ATP13A4: variants seen among roughly 807,000 people sequenced by gnomAD.
The protein encoded by ATP13A4 is ATPase 13A4.
A neutral mutation model predicts 142.5 loss-of-function variants in ATP13A4; 114 were observed. That is an observed-to-expected ratio of 0.80 (90% CI 0.69 to 0.93). ATP13A4 has a LOEUF of 0.93. Ranked by LOEUF, ATP13A4 falls within the 40% of genes least tolerant of loss-of-function variation. The probability of loss-of-function intolerance (pLI) is 0.00; values close to 1 mark genes in which losing one functional copy is unlikely to be tolerated. For missense variants in ATP13A4, 1,392 were observed against 1,454.0 expected (o/e 0.96, Z 0.69); for synonymous variants, 488 against 514.8 (o/e 0.95, Z 0.70).
chr3:193,505,087 G>A (rs1419387484), intron 2 of ATP13A4, among the ~76,000 whole-genome samples: 1 of 152,142 alleles, frequency 6.6e-6, no homozygotes, highest in Non-Finnish European at 1.5e-5. Flanking sequence ...ATAAAACTGA[G>A]ACCTGAGTCC....
At chr3:193,414,458 G>A in intron 26 of ATP13A4, 121 bp downstream of exon 26, 1 of 1,109,016 alleles carries the variant, frequency 9.0e-7, no homozygotes, top group Non-Finnish European at 1.3e-6. Flanking sequence ...TTTGCCCAAG[G>A]GACTTTAAAA....
At chr3:193,538,089 T>C (rs1365503654) in intron 1 of ATP13A4, among the ~76,000 whole-genome samples, 1 of 152,164 alleles carries the variant, frequency 6.6e-6, no homozygotes, top group Admixed American at 6.5e-5. Context: ...TTGTAAGACA[T>C]TGCCAATGGG....
intron 21 of ATP13A4, among the ~76,000 whole-genome samples, chr3:193,439,783 T>A (rs1057444595): frequency 6.6e-6 from 1 of 152,226 alleles, no homozygotes; most frequent in Non-Finnish European, 1.5e-5. Flanking sequence ...TCTTCCACAC[T>A]GCCATATGGA....
chr3:193,499,503 G>C (rs1720420741), intron 3 of ATP13A4, among the ~76,000 whole-genome samples: 1 of 152,176 alleles, frequency 6.6e-6, no homozygotes, highest in African/African-American at 2.4e-5. Flanking sequence ...TGGTAGGGCA[G>C]ATATTATTTT....
Position 193,491,354 on chromosome 3 carries a change from G to T in ATP13A4, c.578C>A (p.Pro193Gln). Reference sequence around the variant, plus strand: ...CTCCTTGATGAGCAGTTTCCAAATTGGTGTAACTTCAACATCGATAGTATT... The same window carrying T: ...CTCCTTGATGAGCAGTTTCCAAATTTGTGTAACTTCAACATCGATAGTATT... ...GPNTIDVEVT[P>Q]IWKLLIKEVL... Residue 193 changes from proline (P) to glutamine (Q), a missense_variant, in exon 6 of 30, where the codon CCA becomes CAA. Transcript: ENST00000342695. The T allele has an allele frequency of 6.2e-7, 1 of 1,602,350 alleles. No individual in the cohort carries two copies. Among genetic ancestry groups the T allele is most frequent in the Non-Finnish European group, 8.5e-7 (1 of 1,169,748 alleles).
At chr3:193,421,645 C>T (rs35417396) in intron 25 of ATP13A4, among the ~76,000 whole-genome samples, 27,481 of 148,902 alleles carry the variant, frequency 0.18, 3,479 homozygotes, top group South Asian at 0.26. Flanking sequence ...ATGTAAATTG[C>T]GACACTAAAA....
At chr3:193,436,912 G>A (rs62285715) in intron 23 of ATP13A4, among the ~76,000 whole-genome samples, 21,298 of 141,522 alleles carry the variant, frequency 0.15, 1,938 homozygotes, top group South Asian at 0.21. Flanking sequence ...AGACCATCCC[G>A]GCTAAAACGG....
intron 21 of ATP13A4, 21 bp from the exon 22 acceptor site, chr3:193,439,086 T>C: frequency 1.3e-6 from 2 of 1,585,836 alleles, no homozygotes; most frequent in Non-Finnish European, 1.7e-6. Context: ...ACCACATTAA[T>C]TGTAGATGAG....
intron 1 of ATP13A4, among the ~76,000 whole-genome samples, chr3:193,538,895 T>TC (rs1186289323): frequency 1.4e-5 from 2 of 139,424 alleles, no homozygotes; most frequent in African/African-American, 2.6e-5. Flanking sequence ...GTTTTTTCTT[T>TC]TTTTTTTTTT....
intron 18 of ATP13A4, 113 bp downstream of exon 18, chr3:193,448,093 C>G (rs1717058561): frequency 6.9e-7 from 1 of 1,441,318 alleles, no homozygotes; most frequent in East Asian, 2.3e-5. Flanking sequence ...TCTCCAGCAC[C>G]TGGAATGATG....
chr3:193,534,786 G>A (rs1362800723), intron 1 of ATP13A4, among the ~76,000 whole-genome samples: 1 of 152,070 alleles, frequency 6.6e-6, no homozygotes, highest in African/African-American at 2.4e-5. Context: ...GGAGAGGGGA[G>A]AGGGGAAATG....
intron 23 of ATP13A4, 94 bp downstream of exon 23, chr3:193,438,381 C>T: frequency 2.9e-6 from 3 of 1,047,302 alleles, no homozygotes; most frequent in Non-Finnish European, 4.4e-6. Context: ...CACCCAGGGA[C>T]AGAAAGTTTC....
At chr3:193,504,711 A>G (rs1301479432) in intron 2 of ATP13A4, among the ~76,000 whole-genome samples, 1 of 152,170 alleles carries the variant, frequency 6.6e-6, no homozygotes, top group Non-Finnish European at 1.5e-5. Flanking sequence ...ACTTCTAAAA[A>G]ACATAGTTTC....
intron 8 of ATP13A4, among the ~76,000 whole-genome samples, chr3:193,481,880 T>G (rs985742836): frequency 6.6e-6 from 1 of 152,158 alleles, no homozygotes; most frequent in African/African-American, 2.4e-5. Flanking sequence ...ATTTACAAAC[T>G]TAAGCCTGTA....
chr3:193,537,989 A>G (rs1722676277), intron 1 of ATP13A4, among the ~76,000 whole-genome samples: 1 of 152,210 alleles, frequency 6.6e-6, no homozygotes, highest in Admixed American at 6.5e-5. Flanking sequence ...TATAAAAAAA[A>G]CAAAATGGAG....
intron 25 of ATP13A4, 107 bp downstream of exon 25, chr3:193,433,738 T>C (rs1716102955): frequency 1.3e-6 from 1 of 795,822 alleles, no homozygotes; most frequent in Non-Finnish European, 2.3e-6. Context: ...TTCCAGATCA[T>C]TGCTGCTGTT....
intron 1 of ATP13A4, among the ~76,000 whole-genome samples, chr3:193,529,805 T>C (rs1296086261): frequency 6.6e-6 from 1 of 152,240 alleles, no homozygotes; most frequent in Admixed American, 6.5e-5. Flanking sequence ...AATAAAAATT[T>C]AGTTATAATT....
chr3:193,497,159 C>T (rs1041164174), intron 3 of ATP13A4, among the ~76,000 whole-genome samples: 2 of 152,046 alleles, frequency 1.3e-5, no homozygotes, highest in African/African-American at 4.8e-5. Context: ...AAAATATTTG[C>T]GAACTGTGCA....
intron 1 of ATP13A4, among the ~76,000 whole-genome samples, chr3:193,527,697 C>T (rs1420919592): frequency 1.3e-5 from 2 of 152,032 alleles, no homozygotes; most frequent in African/African-American, 4.8e-5. Context: ...CTTCACCTTC[C>T]ATCATGATTG....
Sources: allele counts gnomAD v4.1 joint callset (sites outside exome capture counted in the v4.1 genomes callset), GRCh38; gene constraint gnomAD v4.1.1; transcripts MANE v1.5; gene names NCBI Gene and HGNC (gene_info 2026-07-23, HGNC 2026-07-21).